GABBR2: variants seen among roughly 807,000 people sequenced by gnomAD.
GABBR2 encodes G-protein coupled receptor 51.
GABBR2 carries 23 observed loss-of-function variants against 105.6 expected under a neutral mutation model. The observed-to-expected ratio is 0.22, with a 90% CI of 0.16 to 0.31. The LOEUF (loss-of-function observed/expected upper bound fraction) is 0.31. Ranked by LOEUF, GABBR2 falls within the 10% of genes least tolerant of loss-of-function variation. GABBR2 has a pLI of 1.00. For synonymous variants in GABBR2, 478 were observed against 499.7 expected (o/e 0.96, Z 0.58); for missense variants, 734 against 1,245.5 (o/e 0.59, Z 6.18).
chr9:98,694,381 C>G (rs894335534), intron 1 of GABBR2, among the ~76,000 whole-genome samples: 17 of 152,226 alleles, frequency 1.1e-4, no homozygotes, highest in African/African-American at 4.1e-4. Context: ...TGACACCTGC[C>G]AAAGACAGAT....
chr9:98,448,286 C>G (rs945440928), intron 7 of GABBR2, among the ~76,000 whole-genome samples: 1 of 151,926 alleles, frequency 6.6e-6, no homozygotes, highest in Non-Finnish European at 1.5e-5. Context: ...CCGAGACATT[C>G]CCCAGGAGCC....
chr9:98,410,189 T>C (rs947840276), intron 7 of GABBR2, among the ~76,000 whole-genome samples: 2 of 152,118 alleles, frequency 1.3e-5, no homozygotes, highest in Admixed American at 6.5e-5. Context: ...TATGTAGAGA[T>C]AAATATCATG....
intron 7 of GABBR2, among the ~76,000 whole-genome samples, chr9:98,413,614 G>C (rs1219530897): frequency 6.6e-6 from 1 of 152,234 alleles, no homozygotes; most frequent in Non-Finnish European, 1.5e-5. Context: ...GGAACTGAAA[G>C]AAGGAGCAGA....
chr9:98,381,362 C>T (rs1333528201), intron 11 of GABBR2, among the ~76,000 whole-genome samples: 3 of 152,230 alleles, frequency 2.0e-5, no homozygotes, highest in Non-Finnish European at 4.4e-5. Context: ...CTCCTTGCAG[C>T]TCCCCACTCG....
chr9:98,669,840 C>T (rs933884116), intron 1 of GABBR2, among the ~76,000 whole-genome samples: 1 of 152,064 alleles, frequency 6.6e-6, no homozygotes, highest in Non-Finnish European at 1.5e-5. Flanking sequence ...TGCAGGAAAC[C>T]AGAAGCACAC....
chr9:98,696,438 G>C (rs1054172291), intron 1 of GABBR2, among the ~76,000 whole-genome samples: 19 of 152,178 alleles, frequency 1.2e-4, no homozygotes, highest in Non-Finnish European at 2.8e-4. Flanking sequence ...GTCCCTGCAG[G>C]GTATCAAGCT....
intron 1 of GABBR2, among the ~76,000 whole-genome samples, chr9:98,644,814 A>G (rs1409262182): frequency 6.6e-6 from 1 of 152,210 alleles, no homozygotes; most frequent in African/African-American, 2.4e-5. Context: ...CCTGGGTGAC[A>G]GAGCAAGACA....
At chr9:98,622,991 C>T (rs898484261) in intron 1 of GABBR2, among the ~76,000 whole-genome samples, 1 of 152,288 alleles carries the variant, frequency 6.6e-6, no homozygotes, top group Non-Finnish European at 1.5e-5. Context: ...TCGACTGGAA[C>T]AAATGGACCA....
chr9:98,546,142 T>G (rs1287330229), intron 2 of GABBR2, among the ~76,000 whole-genome samples: 1 of 152,228 alleles, frequency 6.6e-6, no homozygotes, highest in African/African-American at 2.4e-5. Context: ...TGTGGCCTAT[T>G]ATACAATCAA....
At chr9:98,331,046 C>T (rs1831015886) in intron 13 of GABBR2, among the ~76,000 whole-genome samples, 1 of 152,174 alleles carries the variant, frequency 6.6e-6, no homozygotes, top group Non-Finnish European at 1.5e-5. Context: ...ATAATGTTTT[C>T]AAGGTTCATC....
intron 17 of GABBR2, 23 bp from the exon 18 acceptor site, chr9:98,293,925 A>G (rs1007111599): frequency 7.6e-7 from 1 of 1,315,784 alleles, no homozygotes; most frequent in Non-Finnish European, 1.1e-6. Context: ...CAACAATACC[A>G]CAACATGTTC....
intron 1 of GABBR2, among the ~76,000 whole-genome samples, chr9:98,695,521 CACA>C (rs1332584187): frequency 6.6e-6 from 1 of 152,160 alleles, no homozygotes; most frequent in Non-Finnish European, 1.5e-5. Flanking sequence ...AGACACAGAT[CACA>C]ACTTCTTCAT....
At chr9:98,549,441 C>T (rs992143137) in intron 2 of GABBR2, among the ~76,000 whole-genome samples, 3 of 152,176 alleles carry the variant, frequency 2.0e-5, no homozygotes, top group Admixed American at 1.3e-4. Flanking sequence ...AGAAAAATCA[C>T]GAATAAATTT....
chr9:98,697,560 A>C (rs1034697552), intron 1 of GABBR2, among the ~76,000 whole-genome samples: 3 of 152,050 alleles, frequency 2.0e-5, no homozygotes, highest in African/African-American at 4.8e-5. Flanking sequence ...GCTGCAAAGC[A>C]CTGACATAGG....
At chr9:98,462,257 C>A (rs1011061572) in intron 6 of GABBR2, among the ~76,000 whole-genome samples, 2 of 152,016 alleles carry the variant, frequency 1.3e-5, no homozygotes, top group African/African-American at 4.8e-5. Context: ...CCTGAAAATG[C>A]TTAAACAAGG....
chr9:98,468,701 GCAC>G (rs1355015144), intron 6 of GABBR2, among the ~76,000 whole-genome samples: 2 of 152,164 alleles, frequency 1.3e-5, no homozygotes, highest in Non-Finnish European at 2.9e-5. Flanking sequence ...AGCTGTGAAA[GCAC>G]CCTAGAAGTT....
At chr9:98,648,116 T>TGTGTGTGTGTGTGTGTGG in intron 1 of GABBR2, among the ~76,000 whole-genome samples, 2 of 55,956 alleles carry the variant, frequency 3.6e-5, no homozygotes, top group Admixed American at 4.3e-4. Context: ...TGTGTGTGTG[T>TGTGTGTGTGTGTGTGTGG]ATAGATAGAT....
chr9:98,684,198 G>C (rs886554865), intron 1 of GABBR2, among the ~76,000 whole-genome samples: 3 of 27,758 alleles, frequency 1.1e-4, no homozygotes, highest in Middle Eastern at 0.038. Context: ...AAAAAAAATT[G>C]GTTGTGGGGG....
intron 3 of GABBR2, among the ~76,000 whole-genome samples, chr9:98,523,687 C>T (rs1246725262): frequency 6.6e-6 from 1 of 152,144 alleles, no homozygotes; most frequent in East Asian, 1.9e-4. Flanking sequence ...CCAGTGGGAC[C>T]AGTGTCCACA....
Sources: gnomAD v4.1 joint callset for allele counts (sites outside exome capture counted in the v4.1 genomes callset) on GRCh38, gnomAD v4.1.1 for gene constraint, MANE v1.5 for transcripts, NCBI Gene and HGNC (gene_info 2026-07-23, HGNC 2026-07-21) for gene names.